Variants in HIVEP3 observed in about 807,000 individuals in gnomAD.
HIVEP3 encodes the protein HIVEP zinc finger 3.
Under a neutral mutation model 152.8 loss-of-function variants are expected in HIVEP3, and 49 were observed. That is an observed-to-expected ratio of 0.32 (90% CI 0.26 to 0.41). The LOEUF (loss-of-function observed/expected upper bound fraction) is 0.41. Ranked by LOEUF, HIVEP3 falls within the 10% of genes least tolerant of loss-of-function variation. The pLI is 1.00. For missense variants in HIVEP3, 2,790 were observed against 3,103.3 expected, an observed-to-expected ratio of 0.90 and a Z score of 2.40; for synonymous variants, 1,269 against 1,289.0, an observed-to-expected ratio of 0.98 and a Z score of 0.33.
intron 1 of HIVEP3, among the ~76,000 whole-genome samples, chr1:41,769,337 A>G (rs1326410484): frequency 6.6e-6 from 1 of 152,204 alleles, no homozygotes; most frequent in Non-Finnish European, 1.5e-5. Flanking sequence ...GTCATGTAGT[A>G]TACAATCAAA....
At chr1:42,006,825 G>T (rs879509738) in intron 1 of HIVEP3, among the ~76,000 whole-genome samples, 2 of 152,154 alleles carry the variant, frequency 1.3e-5, no homozygotes, top group Non-Finnish European at 2.9e-5. Flanking sequence ...GGGTTTCTCA[G>T]AGACCCCCAG....
intron 1 of HIVEP3, among the ~76,000 whole-genome samples, chr1:41,756,626 A>G (rs1044548649): frequency 1.3e-5 from 2 of 152,240 alleles, no homozygotes; most frequent in Admixed American, 6.5e-5. Context: ...GGATAAATAT[A>G]TCCAATGGAA....
chr1:41,802,914 G>A (rs1313814104), intron 1 of HIVEP3, among the ~76,000 whole-genome samples: 1 of 152,130 alleles, frequency 6.6e-6, no homozygotes, highest in Non-Finnish European at 1.5e-5. Flanking sequence ...CTCCCAGAGA[G>A]AGGCATTGCC....
chr1:41,653,659 T>A (rs1645585390), intron 2 of HIVEP3, among the ~76,000 whole-genome samples: 1 of 152,160 alleles, frequency 6.6e-6, no homozygotes, highest in Admixed American at 6.5e-5. Context: ...GGGCATCTGG[T>A]GCCTCTCCTA....
At position 41,849,800 on chromosome 1, in the gene HIVEP3, C is replaced by T. The variant is rs193164670; in HGVS notation, c.-801+68613G>A. Among the ~76,000 whole-genome samples the T allele has an allele frequency of 1.3e-3, 202 of 152,006 alleles. 1 individual carries two copies. The highest frequency in any genetic ancestry group is 2.5e-3 in the Non-Finnish European group (170 of 68,002). On this transcript the variant is annotated intron_variant, in intron 1 of 8. Transcript: ENST00000372583. Reference sequence around the variant, plus strand: ...CTGCCTCCTGGGTTCAAGCAATTCTCCTGCCTCACCCTCCCGAGTATCTGG... The same window carrying T: ...CTGCCTCCTGGGTTCAAGCAATTCTTCTGCCTCACCCTCCCGAGTATCTGG...
intron 2 of HIVEP3, among the ~76,000 whole-genome samples, chr1:41,696,261 T>C (rs188347858): frequency 6.6e-6 from 1 of 152,212 alleles, no homozygotes. Context: ...TGTCAAAACA[T>C]GACCCCATCC....
intron 1 of HIVEP3, among the ~76,000 whole-genome samples, chr1:42,016,506 G>A (rs1004375049): frequency 1.3e-5 from 2 of 151,912 alleles, no homozygotes; most frequent in Non-Finnish European, 2.9e-5. Context: ...GTAATCCCCC[G>A]AGAGAGCCAG....
chr1:41,531,942 G>A, intron 5 of HIVEP3, among the ~76,000 whole-genome samples: 1 of 126,058 alleles, frequency 7.9e-6, no homozygotes, highest in Non-Finnish European at 1.7e-5. Context: ...CAGGGGAGAT[G>A]GAGGACAGGA....
At chr1:41,850,835 C>A (rs1643577698) in intron 1 of HIVEP3, among the ~76,000 whole-genome samples, 1 of 152,170 alleles carries the variant, frequency 6.6e-6, no homozygotes, top group Non-Finnish European at 1.5e-5. Flanking sequence ...GTGATGATAG[C>A]CCACAGGATC....
At chr1:41,711,394 A>T (rs1646511321) in intron 1 of HIVEP3, among the ~76,000 whole-genome samples, 1 of 152,186 alleles carries the variant, frequency 6.6e-6, no homozygotes, top group Admixed American at 6.5e-5. Context: ...TCATGGGCTG[A>T]TGGTGGCCGA....
intron 1 of HIVEP3, among the ~76,000 whole-genome samples, chr1:41,871,603 A>G (rs533515403): frequency 6.6e-6 from 1 of 152,364 alleles, no homozygotes; most frequent in South Asian, 2.1e-4. Flanking sequence ...AATGAATAAG[A>G]TGATGAACAT....
intron 5 of HIVEP3, among the ~76,000 whole-genome samples, chr1:41,545,563 T>TCACCACCACCACCAC (rs61153724): frequency 1.9e-5 from 1 of 52,744 alleles, no homozygotes; most frequent in Admixed American, 1.7e-4. Flanking sequence ...ATCACTACCA[T>TCACCACCACCACCAC]CACCACCACC....
chr1:41,765,180 T>C (rs555170007), intron 1 of HIVEP3, among the ~76,000 whole-genome samples: 1 of 152,324 alleles, frequency 6.6e-6, no homozygotes, highest in South Asian at 2.1e-4. Flanking sequence ...CTGAGTGTAC[T>C]TTGGCTTATT....
chr1:41,585,874 G>A (rs924085609), intron 3 of HIVEP3, among the ~76,000 whole-genome samples: 1 of 152,150 alleles, frequency 6.6e-6, no homozygotes, highest in Admixed American at 6.5e-5. Context: ...TTTCCAAGGG[G>A]TAGATTATTC....
At chr1:41,538,602 A>C (rs1193768014) in intron 5 of HIVEP3, among the ~76,000 whole-genome samples, 1 of 152,146 alleles carries the variant, frequency 6.6e-6, no homozygotes, top group African/African-American at 2.4e-5. Flanking sequence ...TAAGAATAGC[A>C]AACGCCTTTA....
chr1:41,564,237 T>C (rs932541117), intron 5 of HIVEP3, among the ~76,000 whole-genome samples: 2 of 151,712 alleles, frequency 1.3e-5, no homozygotes, highest in African/African-American at 2.4e-5. Context: ...ATAGAATGGA[T>C]GGAGACAAAA....
intron 5 of HIVEP3, among the ~76,000 whole-genome samples, chr1:41,534,801 G>A (rs1643357651): frequency 6.6e-6 from 1 of 152,172 alleles, no homozygotes; most frequent in Admixed American, 6.5e-5. Context: ...CCCAAAGGAG[G>A]CGGGACACAG....
intron 5 of HIVEP3, among the ~76,000 whole-genome samples, chr1:41,526,100 C>T (rs1338633571): frequency 6.6e-6 from 1 of 151,758 alleles, no homozygotes; most frequent in Admixed American, 6.6e-5. Flanking sequence ...CGTGTCGGGG[C>T]GGGGGGGCTC....
At chr1:41,530,232 G>T (rs191825526) in intron 5 of HIVEP3, among the ~76,000 whole-genome samples, 1 of 152,298 alleles carries the variant, frequency 6.6e-6, no homozygotes, top group East Asian at 1.9e-4. Flanking sequence ...ACCTTTCCAC[G>T]GGATCCAGGA....
Sources: allele counts gnomAD v4.1 joint callset (sites outside exome capture counted in the v4.1 genomes callset), GRCh38; gene constraint gnomAD v4.1.1; transcripts MANE v1.5; gene names NCBI Gene and HGNC (gene_info 2026-07-23, HGNC 2026-07-21).